COP1: variants seen among roughly 807,000 people sequenced by gnomAD.
COP1 encodes the protein COP1 E3 ubiquitin ligase.
A neutral mutation model predicts 101.3 loss-of-function variants in COP1; 24 were observed. The ratio of observed to expected loss-of-function variants is 0.24; its 90% CI spans 0.17 to 0.33. The LOEUF (loss-of-function observed/expected upper bound fraction) is 0.33. Among genes scored for constraint, COP1 ranks in the 10% least tolerant of loss-of-function variants. COP1 has a pLI of 1.00. For synonymous variants in COP1, 347 were observed against 341.9 expected, an observed-to-expected ratio of 1.01 and a Z score of -0.17; for missense variants, 663 against 906.2, an observed-to-expected ratio of 0.73 and a Z score of 3.45.
intron 5 of COP1, among the ~76,000 whole-genome samples, chr1:176,159,980 A>G (rs1157295953): frequency 6.6e-6 from 1 of 152,170 alleles, no homozygotes; most frequent in Admixed American, 6.5e-5. Context: ...ACTTTTCTGT[A>G]TGCTGGAAAG....
At chr1:175,949,194 G>GAAAAAAAAAAAAAAAAAAAAAAA (rs1649567940) in intron 18 of COP1, among the ~76,000 whole-genome samples, 2 of 35,804 alleles carry the variant, frequency 5.6e-5, no homozygotes, top group African/African-American at 7.9e-5. Context: ...AAAAAAAAAT[G>GAAAAAAAAAAAAAAAAAAAAAAA]AACATGGGTA....
intron 14 of COP1, among the ~76,000 whole-genome samples, chr1:176,038,274 T>C (rs1669917153): frequency 1.3e-5 from 2 of 152,154 alleles, no homozygotes; most frequent in African/African-American, 4.8e-5. Flanking sequence ...AGATAAACCA[T>C]GTTCATGGAC....
intron 15 of COP1, among the ~76,000 whole-genome samples, chr1:176,015,100 C>A (rs570349963): frequency 2.0e-5 from 3 of 152,056 alleles, no homozygotes; most frequent in Non-Finnish European, 4.4e-5. Context: ...AGAGTGTGCA[C>A]TGGCTGTGGT....
At chr1:176,059,998 C>A (rs968411084) in intron 11 of COP1, among the ~76,000 whole-genome samples, 1 of 151,996 alleles carries the variant, frequency 6.6e-6, no homozygotes, top group Non-Finnish European at 1.5e-5. Flanking sequence ...TTAATAGCAA[C>A]CTGCTAGATA....
intron 18 of COP1, among the ~76,000 whole-genome samples, chr1:175,947,893 T>C (rs975782604): frequency 3.9e-5 from 6 of 152,166 alleles, no homozygotes; most frequent in Non-Finnish European, 8.8e-5. Context: ...AAGTGAATAA[T>C]TGCTTTCCCA....
At chr1:176,067,823 C>A (rs1479276729) in intron 11 of COP1, among the ~76,000 whole-genome samples, 3 of 152,210 alleles carry the variant, frequency 2.0e-5, no homozygotes, top group African/African-American at 7.2e-5. Context: ...ATAACACATG[C>A]CCACTGGGGC....
At chr1:176,042,088 G>A (rs1305913027) in intron 14 of COP1, among the ~76,000 whole-genome samples, 2 of 151,872 alleles carry the variant, frequency 1.3e-5, no homozygotes, top group African/African-American at 2.4e-5. Context: ...CTCCAGTCTG[G>A]GCAGCAGAGC....
chr1:176,012,151 A>G (rs1475449788), intron 15 of COP1, among the ~76,000 whole-genome samples: 1 of 152,228 alleles, frequency 6.6e-6, no homozygotes, highest in African/African-American at 2.4e-5. Flanking sequence ...GCCTATGAAT[A>G]GCCACTGTAC....
intron 3 of COP1, among the ~76,000 whole-genome samples, chr1:176,165,353 ATGTGTGTCGTGTGTGTG>A (rs1250647205): frequency 7.3e-6 from 1 of 137,112 alleles, no homozygotes; most frequent in East Asian, 2.2e-4. Flanking sequence ...AGAGAGAGAG[ATGTGTGTCGTGTGTGTG>A]TGTGTGTGTG....
chr1:176,104,091 C>A (rs900441901), intron 9 of COP1, among the ~76,000 whole-genome samples: 6 of 152,074 alleles, frequency 3.9e-5, no homozygotes, highest in Non-Finnish European at 7.4e-5. Flanking sequence ...AACAGACCAG[C>A]AGATGGATAA....
chr1:176,171,148 A>AAG (rs1695998426), intron 3 of COP1, among the ~76,000 whole-genome samples: 1 of 150,066 alleles, frequency 6.7e-6, no homozygotes, highest in Non-Finnish European at 1.5e-5. Context: ...AAAAAAAAAA[A>AAG]GTAGGCTGTT....
chr1:176,074,357 A>G (rs1677575337), intron 11 of COP1, among the ~76,000 whole-genome samples: 1 of 152,182 alleles, frequency 6.6e-6, no homozygotes, highest in African/African-American at 2.4e-5. Context: ...AAATCAACAG[A>G]GCTGTGAGAG....
At chr1:176,086,918 C>T (rs551843587) in intron 9 of COP1, among the ~76,000 whole-genome samples, 2 of 152,276 alleles carry the variant, frequency 1.3e-5, no homozygotes, top group African/African-American at 2.4e-5. Context: ...GAGATACAGA[C>T]CAATCGAACA....
intron 11 of COP1, among the ~76,000 whole-genome samples, chr1:176,073,119 C>A (rs1011743139): frequency 6.6e-6 from 1 of 152,008 alleles, no homozygotes; most frequent in African/African-American, 2.4e-5. Flanking sequence ...CAGTTTTTTT[C>A]ATCTGTAAAA....
chr1:176,197,315 G>C (rs1306216140), intron 1 of COP1, among the ~76,000 whole-genome samples: 7 of 152,312 alleles, frequency 4.6e-5, no homozygotes, highest in Admixed American at 3.9e-4. Flanking sequence ...CTAGGAAGAT[G>C]AGGGAGGAGG....
chr1:176,019,883 G>A (rs1226671450), intron 15 of COP1, among the ~76,000 whole-genome samples: 3 of 151,856 alleles, frequency 2.0e-5, no homozygotes, highest in East Asian at 1.9e-4. Context: ...CACTAACGGC[G>A]TTACAGGAAA....
At chr1:176,066,552 A>G (rs1251952561) in intron 11 of COP1, among the ~76,000 whole-genome samples, 1 of 152,168 alleles carries the variant, frequency 6.6e-6, no homozygotes, top group African/African-American at 2.4e-5. Context: ...CTTCCCTCTC[A>G]ATCCTACAAA....
intron 11 of COP1, among the ~76,000 whole-genome samples, chr1:176,064,920 G>C (rs925971704): frequency 6.6e-6 from 1 of 152,112 alleles, no homozygotes; most frequent in Non-Finnish European, 1.5e-5. Flanking sequence ...ACCATGCCTG[G>C]CCTCCTTCCC....
rs182843298 is a variant in COP1 at position 176,104,265 on chromosome 1, C to T, written c.1026+12359G>A. ...TTTTAAGAAACAAGGGGTTTCTCTA[C>T]ATCCTGGTTGTAGGGAGAAGCTTTT... On this transcript the variant is annotated intron_variant, in intron 9 of 19. Coordinates refer to ENST00000367669, the MANE Select transcript of COP1 (RefSeq NM_022457.7). Among the ~76,000 whole-genome samples, 269 of 152,226 alleles carry T rather than the reference C, an allele frequency of 1.8e-3. 2 individuals carry two copies. The highest frequency in any genetic ancestry group is 5.9e-3 in the African/African-American group (244 of 41,570).
Sources: allele counts gnomAD v4.1 joint callset (sites outside exome capture counted in the v4.1 genomes callset), GRCh38; gene constraint gnomAD v4.1.1; transcripts MANE v1.5; gene names NCBI Gene and HGNC (gene_info 2026-07-23, HGNC 2026-07-21).